Variants in INO80D observed in about 807,000 individuals in gnomAD.
INO80D encodes INO80 complex subunit D.
In INO80D, 21 loss-of-function variants were observed where a neutral mutation model predicts 87.6. The observed-to-expected ratio is 0.24, with a 90% CI of 0.17 to 0.35. The LOEUF is 0.35. Ranked by LOEUF, INO80D falls within the 10% of genes least tolerant of loss-of-function variation. INO80D has a pLI of 1.00. For synonymous variants in INO80D, 440 were observed against 491.0 expected (o/e 0.90, Z 1.37); for missense variants, 982 against 1,280.7 (o/e 0.77, Z 3.56).
Position 206,005,513 on chromosome 2 carries a change from G to T in INO80D, c.1939C>A (p.Pro647Thr). ...FFEGKNGDLL[P>T]TTEEAEELER... Reference sequence around the variant, plus strand: ...AGCTCCTCAGCCTCTTCGGTAGTTGGGAGGAGGTCTCCATTCTTCCCTGAG... The same window carrying T: ...AGCTCCTCAGCCTCTTCGGTAGTTGTGAGGAGGTCTCCATTCTTCCCTGAG... Residue 647 changes from proline to threonine, a missense_variant, in exon 11 of 11, where the codon CCA becomes ACA. Pro to Thr is a conservative substitution (Grantham distance 38). Transcript: ENST00000403263. 1 of 1,612,188 alleles carries T rather than the reference G, an allele frequency of 6.2e-7. No homozygotes were observed. The highest frequency in any genetic ancestry group is 8.5e-7 in the Non-Finnish European group (1 of 1,179,650).
intron 6 of INO80D, among the ~76,000 whole-genome samples, chr2:206,021,801 A>G (rs578209845): frequency 1.3e-5 from 2 of 151,712 alleles, no homozygotes; most frequent in South Asian, 4.2e-4. Flanking sequence ...TTTAGTAGAG[A>G]CGTGGTTTCA....
intron 1 of INO80D, among the ~76,000 whole-genome samples, chr2:206,074,632 T>C (rs1476773836): frequency 1.3e-5 from 2 of 151,986 alleles, no homozygotes; most frequent in African/African-American, 4.8e-5. Flanking sequence ...ATGATTAGGT[T>C]TAGGTTTTTA....
At chr2:206,034,240 T>C (rs1269222124) in intron 5 of INO80D, among the ~76,000 whole-genome samples, 1 of 152,090 alleles carries the variant, frequency 6.6e-6, no homozygotes, top group Non-Finnish European at 1.5e-5. Context: ...CCTCCCTACT[T>C]CATTCTATGA....
At chr2:206,038,746 T>C (rs1688956934) in intron 5 of INO80D, among the ~76,000 whole-genome samples, 3 of 152,026 alleles carry the variant, frequency 2.0e-5, no homozygotes, top group Admixed American at 2.0e-4. Context: ...GGTTGCAGGA[T>C]GGCTTGAGCC....
At chr2:206,043,109 A>T (rs1689097326) in intron 5 of INO80D, among the ~76,000 whole-genome samples, 1 of 152,216 alleles carries the variant, frequency 6.6e-6, no homozygotes, top group African/African-American at 2.4e-5. Flanking sequence ...TTATTGAGGC[A>T]TTTGGCATGG....
chr2:206,023,552 G>A (rs967633565), intron 6 of INO80D, among the ~76,000 whole-genome samples: 8 of 151,776 alleles, frequency 5.3e-5, no homozygotes, highest in Admixed American at 2.6e-4. Context: ...GCATAGTGGC[G>A]CATGCCTGTA....
At position 206,028,147 on chromosome 2, in the gene INO80D, A is replaced by G. The variant is rs1277851966; in HGVS notation, c.1262T>C (p.Ile421Thr). 1 of 1,564,020 alleles carries G rather than the reference A, an allele frequency of 6.4e-7. No homozygotes were observed. The highest frequency in any genetic ancestry group is 1.2e-5 in the South Asian group (1 of 85,472). ...GCATGCAGCTCTCCGCAGTTCTTGT[A>G]TTAACTGACCAGTGCATTCTGGTTC... ...SKEPECTGQL[I>T]QELRRAACSR... is the part of the protein sequence containing the mutation. Residue 421 changes from isoleucine to threonine, a missense_variant, in exon 6 of 11, where the codon ATA becomes ACA. Transcript: ENST00000403263.
At chr2:206,048,769 C>A (rs148375444) in intron 4 of INO80D, among the ~76,000 whole-genome samples, 70 of 152,234 alleles carry the variant, frequency 4.6e-4, no homozygotes, top group African/African-American at 1.7e-3. Context: ...TGGTGCATGC[C>A]TGCAGTCCCA....
At position 206,062,411 on chromosome 2, in the gene INO80D, T is replaced by C. The variant is rs1234313624; in HGVS notation, c.218+388A>G. On this transcript the variant is annotated intron_variant, in intron 3 of 10. Coordinates refer to ENST00000403263, the MANE Select transcript of INO80D (RefSeq NM_017759.5). The surrounding 1 kb of genome is among the most constrained non-coding windows in gnomAD (Gnocchi z 4.6). ...TTTAAATTTCTCTCATTTAGGCAAA[T>C]GAGAAAACTAGGTAGAAAAGTCAGG... Among the ~76,000 whole-genome samples, 1 of 152,034 alleles carries C rather than the reference T, an allele frequency of 6.6e-6. No homozygotes were observed. Among genetic ancestry groups the C allele is most frequent in the Admixed American group, 6.6e-5 (1 of 15,242 alleles).
intron 1 of INO80D, among the ~76,000 whole-genome samples, chr2:206,077,466 T>C (rs1046005326): frequency 1.3e-5 from 2 of 152,228 alleles, no homozygotes; most frequent in African/African-American, 4.8e-5. Flanking sequence ...AATAGTTTCC[T>C]ATAATCATTA....
chr2:206,066,974 G>A (rs1441134019), intron 1 of INO80D, among the ~76,000 whole-genome samples: 6 of 152,018 alleles, frequency 3.9e-5, no homozygotes, highest in African/African-American at 7.3e-5. Flanking sequence ...TAGGCTGGGC[G>A]CAGTGGTTCA....
intron 3 of INO80D, among the ~76,000 whole-genome samples, chr2:206,059,612 G>C (rs1044974457): frequency 2.0e-5 from 3 of 152,136 alleles, no homozygotes; most frequent in Admixed American, 6.5e-5. Flanking sequence ...GTGTTTTGTT[G>C]CTTCGTCTTA....
At position 205,996,268 on chromosome 2, in the gene INO80D, A is replaced by T. The variant is rs1687805304; in HGVS notation, c.*8100T>A. 1 of 151,958 alleles carries T rather than the reference A, an allele frequency of 6.6e-6. No individual in the cohort carries two copies. The allele number at this position is 151,958 out of a possible 1,614,324, so 9.4% of individuals were successfully genotyped here. A position where few individuals can be genotyped will look rare whatever the true frequency, so the allele number is the denominator to read the frequency against. On this transcript the variant is annotated 3_prime_UTR_variant, in exon 11 of 11. Transcript: ENST00000403263. ...GAAGTTGATGAAATATGCTTAAGCC[A>T]GATGCTTCTGGCTAGAAGAGACAGA...
intron 5 of INO80D, among the ~76,000 whole-genome samples, chr2:206,043,344 G>A (rs1388975670): frequency 6.6e-6 from 1 of 151,814 alleles, no homozygotes. Context: ...ATTAATTTTT[G>A]TGTTTTTAGT....
chr2:206,052,217 T>G (rs1432709898), intron 4 of INO80D, among the ~76,000 whole-genome samples: 2 of 152,180 alleles, frequency 1.3e-5, no homozygotes, highest in African/African-American at 4.8e-5. Context: ...AGATGGAGTC[T>G]CACTCTGTAG....
intron 8 of INO80D, among the ~76,000 whole-genome samples, chr2:206,015,175 A>C (rs949907927): frequency 2.6e-5 from 4 of 152,226 alleles, no homozygotes; most frequent in African/African-American, 9.6e-5. Flanking sequence ...GCAGCCTGAC[A>C]ATGCAGTAGA....
intron 6 of INO80D, among the ~76,000 whole-genome samples, chr2:206,027,179 G>C (rs1025320186): frequency 3.5e-5 from 5 of 144,598 alleles, no homozygotes; most frequent in South Asian, 2.2e-4. Context: ...CACACACACA[G>C]AGAAAGACTA....
intron 9 of INO80D, 109 bp from the exon 10 acceptor site, chr2:206,007,550 A>G (rs1688058556): frequency 8.0e-7 from 1 of 1,252,890 alleles, no homozygotes; most frequent in South Asian, 1.5e-5. Context: ...GGCAGGGCAC[A>G]GTGGCTCACA....
At chr2:206,025,542 A>AAAATATATATATATAT (rs71301548) in intron 6 of INO80D, 113 of 76,910 alleles carry the variant, frequency 1.5e-3, no homozygotes, top group African/African-American at 2.7e-3. Flanking sequence ...AAAAAAAAAA[A>AAAATATATATATATAT]ATATATATAT....
Sources: gnomAD v4.1 joint callset for allele counts (sites outside exome capture counted in the v4.1 genomes callset) on GRCh38, gnomAD v4.1.1 for gene constraint, Gnocchi (gnomAD v3.1) non-coding constraint, MANE v1.5 for transcripts, NCBI Gene and HGNC (gene_info 2026-07-23, HGNC 2026-07-21) for gene names.